STAT4: variants seen among roughly 807,000 people sequenced by gnomAD.
STAT4 encodes signal transducer and activator of transcription 4.
In STAT4, 42 loss-of-function variants were observed where a neutral mutation model predicts 110.5. That is an observed-to-expected ratio of 0.38 (90% confidence interval 0.30 to 0.49). The LOEUF is 0.49. Among genes scored for constraint, STAT4 ranks in the 20% least tolerant of loss-of-function variants. STAT4 has a pLI of 0.95. For missense variants in STAT4, 632 were observed against 887.9 expected, an observed-to-expected ratio of 0.71 and a Z score of 3.66; for synonymous variants, 284 against 302.2, an observed-to-expected ratio of 0.94 and a Z score of 0.63.
At position 191,147,850 on chromosome 2, in the gene STAT4, T is replaced by A. The variant is rs1259458726; in HGVS notation, c.128+226A>T. Among the ~76,000 whole-genome samples, 1 of 152,202 alleles carries A rather than the reference T, an allele frequency of 6.6e-6. No homozygotes were observed. The highest frequency in any genetic ancestry group is 1.9e-4 in the East Asian group (1 of 5,202). ...ATGAAAAATTATTTGGGTTTTTGTT[T>A]ACAGAGAAAAGAAGCACTGGAACCA... On this transcript the variant is annotated intron_variant, in intron 2 of 23. Coordinates refer to ENST00000392320, the MANE Select transcript of STAT4 (RefSeq NM_003151.4). The surrounding 1 kb of genome is among the most constrained non-coding windows in gnomAD (Gnocchi z 4.1).
chr2:191,113,865 T>A lies in STAT4; in HGVS notation c.273+32748A>T, dbSNP rs1698494373. ...ATGTTACAGAAATAGAGAAAGTGATTTATATAAAGAACATGTTTTCATATG... is the reference window on the plus strand; with the variant it reads ...ATGTTACAGAAATAGAGAAAGTGATATATATAAAGAACATGTTTTCATATG... On this transcript the variant is annotated intron_variant, in intron 3 of 23. Coordinates refer to ENST00000392320, the MANE Select transcript of STAT4 (RefSeq NM_003151.4). The surrounding 1 kb of genome is among the most constrained non-coding windows in gnomAD (Gnocchi z 4.8). Among the ~76,000 whole-genome samples, 1 of 152,160 alleles carries A rather than the reference T, an allele frequency of 6.6e-6. No individual in the cohort carries two copies.
At chr2:191,093,720 A>G (rs559937673) in intron 3 of STAT4, among the ~76,000 whole-genome samples, 7 of 152,194 alleles carry the variant, frequency 4.6e-5, no homozygotes, top group Non-Finnish European at 8.8e-5. Flanking sequence ...AACAGAACAA[A>G]GCTGGACGGA....
chr2:191,036,749 A>G (rs866886174), intron 16 of STAT4, among the ~76,000 whole-genome samples: 5 of 152,176 alleles, frequency 3.3e-5, no homozygotes, highest in South Asian at 2.1e-4. Context: ...CTTCTGTCCT[A>G]TACTCCTCAG....
At chr2:191,094,170 A>G (rs759261799) in intron 3 of STAT4, among the ~76,000 whole-genome samples, 1 of 152,254 alleles carries the variant, frequency 6.6e-6, no homozygotes, top group African/African-American at 2.4e-5. Flanking sequence ...ACTCTTCAGG[A>G]TATTATCCGG....
intron 7 of STAT4, among the ~76,000 whole-genome samples, chr2:191,065,224 C>A (rs1036198025): frequency 1.3e-5 from 2 of 152,086 alleles, no homozygotes; most frequent in African/African-American, 4.8e-5. Flanking sequence ...ACTCCTGCGG[C>A]AACAATATTG....
intron 3 of STAT4, among the ~76,000 whole-genome samples, chr2:191,096,671 C>T (rs990441538): frequency 7.9e-5 from 12 of 152,084 alleles, no homozygotes; most frequent in Admixed American, 5.2e-4. Flanking sequence ...TCATACTAAA[C>T]GGGCAAAAAC....
rs1181825013 is a variant in STAT4 at position 191,050,256 on chromosome 2, C to T, written c.1251+4234G>A. On this transcript the variant is annotated intron_variant, in intron 14 of 23. Coordinates refer to ENST00000392320, the MANE Select transcript of STAT4 (RefSeq NM_003151.4). This position sits in a 1 kb window ranked among gnomAD's most constrained non-coding sequence, Gnocchi z 4.3. ...AGCTGGCTCCCTGCTAGATAAGTACCTCCAGGGAAAGGTTGCTTCCTGGGA... is the reference window on the plus strand; with the variant it reads ...AGCTGGCTCCCTGCTAGATAAGTACTTCCAGGGAAAGGTTGCTTCCTGGGA... 1.3e-5 allele frequency among the ~76,000 whole-genome samples: 2 copies of T among 152,194 alleles called. No individual in the cohort carries two copies. Among genetic ancestry groups the T allele is most frequent in the African/African-American group, 4.8e-5 (2 of 41,438 alleles).
chr2:191,095,729 C>T (rs536496368), intron 3 of STAT4, among the ~76,000 whole-genome samples: 2 of 152,230 alleles, frequency 1.3e-5, no homozygotes, highest in East Asian at 3.9e-4. Flanking sequence ...CAAACAAATT[C>T]AAAAGCTAGC....
chr2:191,072,669 T>C (rs1040525739), intron 5 of STAT4, among the ~76,000 whole-genome samples: 7 of 152,136 alleles, frequency 4.6e-5, no homozygotes, highest in Admixed American at 3.3e-4. Flanking sequence ...ATCAATAAAA[T>C]TGATAAATCT....
rs1432982583 is a variant in STAT4, at chr2:191,135,301, G to C, written c.273+11312C>G. The stretch of plus-strand genomic sequence containing the variant: ...CACTAACAAGCTGGAAAACCTAGAA[G>C]AAATGGATAAATTCCTGGACTCATG... On this transcript the variant is annotated intron_variant, in intron 3 of 23. Coordinates refer to ENST00000392320, the MANE Select transcript of STAT4 (RefSeq NM_003151.4). This position sits in a 1 kb window ranked among gnomAD's most constrained non-coding sequence, Gnocchi z 4.8. Among the ~76,000 whole-genome samples, 1 of 152,070 alleles carries C rather than the reference G, an allele frequency of 6.6e-6. No homozygotes were observed. The highest frequency in any genetic ancestry group is 1.5e-5 in the Non-Finnish European group (1 of 68,018).
Position 191,046,452 on chromosome 2 carries a change from T to A in STAT4, c.1252-5304A>T, listed in dbSNP as rs941981130. ...CCTCTAGGTCTCTCCTGTGCCTAGA[T>A]ATGTTTGCACTGAAGGTGTCATCTG... On this transcript the variant is annotated intron_variant, in intron 14 of 23. Transcript: ENST00000392320. The surrounding 1 kb of genome is among the most constrained non-coding windows in gnomAD (Gnocchi z 4.6). 1.3e-5 allele frequency among the ~76,000 whole-genome samples: 2 copies of A among 152,084 alleles called. No homozygotes were observed. Among genetic ancestry groups the A allele is most frequent in the African/African-American group, 4.8e-5 (2 of 41,396 alleles).
chr2:191,031,113 G>A lies in STAT4; in HGVS notation c.2112-33C>T, dbSNP rs1248535831. ...AGATAACAAGGTCAATATGGACAAG[G>A]ATTAAAAAATAATAATAGTTCACGG... On this transcript the variant is annotated intron_variant, in intron 22 of 23. Transcript: ENST00000392320. This position sits in a 1 kb window ranked among gnomAD's most constrained non-coding sequence, Gnocchi z 4.8. The A allele has an allele frequency of 3.8e-6, 6 of 1,599,644 alleles. No homozygotes were observed. In the Admixed American group the frequency reaches 5.0e-5, roughly 13 times the overall value.
rs1014095646 is a variant in STAT4, at chr2:191,053,504, G to A, written c.1251+986C>T. Among the ~76,000 whole-genome samples the A allele has an allele frequency of 6.6e-5, 10 of 152,194 alleles. No individual in the cohort carries two copies. The highest frequency in any genetic ancestry group is 1.2e-4 in the Non-Finnish European group (8 of 68,034). On this transcript the variant is annotated intron_variant, in intron 14 of 23. Coordinates refer to ENST00000392320, the MANE Select transcript of STAT4 (RefSeq NM_003151.4). This position sits in a 1 kb window ranked among gnomAD's most constrained non-coding sequence, Gnocchi z 4.5. ...CTCAATAGATGTTCTCCAAGGTCAT[G>A]TCCAGTTCATGATTTGACTACTCTA...
At chr2:191,121,466 T>G (rs1312220402) in intron 3 of STAT4, among the ~76,000 whole-genome samples, 2 of 152,180 alleles carry the variant, frequency 1.3e-5, no homozygotes, top group Non-Finnish European at 2.9e-5. Context: ...TAAAGACACA[T>G]GCACACGTAT....
rs1383495793 is a variant in STAT4 at position 191,143,672 on chromosome 2, C to A, written c.273+2941G>T. 4.6e-5 allele frequency among the ~76,000 whole-genome samples: 7 copies of A among 152,146 alleles called. No individual in the cohort carries two copies. The highest frequency in any genetic ancestry group is 1.4e-4 in the African/African-American group (6 of 41,432). On this transcript the variant is annotated intron_variant, in intron 3 of 23. Coordinates refer to ENST00000392320, the MANE Select transcript of STAT4 (RefSeq NM_003151.4). This position sits in a 1 kb window ranked among gnomAD's most constrained non-coding sequence, Gnocchi z 5.6. ...CTACCTTATACATCCCTTAGTTCCC[C>A]AGGTATCATATTGTTTACTCCTTTT...
In STAT4 at chr2:191,066,293, G is replaced by A. The variant is rs1192819471; in HGVS notation, c.630+137C>T. 3 of 745,456 alleles carry A rather than the reference G, an allele frequency of 4.0e-6. No homozygotes were observed. Among genetic ancestry groups the A allele is most frequent in the African/African-American group, 3.5e-5 (2 of 57,106 alleles). 46.2% of individuals were successfully genotyped at this position (745,456 alleles called of 1,614,324 possible). On this transcript the variant is annotated intron_variant, in intron 7 of 23. Transcript: ENST00000392320. The surrounding 1 kb of genome is among the most constrained non-coding windows in gnomAD (Gnocchi z 4.3). ...GAAGCATGGCAAACAGCGTGGGACT[G>A]TTCCTAGAAACCTTGCCGTTTCTTC...
At position 191,042,865 on chromosome 2, in the gene STAT4, C is replaced by T. The variant is rs567826801; in HGVS notation, c.1252-1717G>A. Reference sequence around the variant, plus strand: ...CACAATCTCGGCTCACTGCAACCTCCGCCTCCTGGGTCCAAGTGATTCTCC... The same window carrying T: ...CACAATCTCGGCTCACTGCAACCTCTGCCTCCTGGGTCCAAGTGATTCTCC... On this transcript the variant is annotated intron_variant, in intron 14 of 23. Coordinates refer to ENST00000392320, the MANE Select transcript of STAT4 (RefSeq NM_003151.4). The surrounding 1 kb of genome is among the most constrained non-coding windows in gnomAD (Gnocchi z 4.2). Among the ~76,000 whole-genome samples, 20 of 152,090 alleles carry T rather than the reference C, an allele frequency of 1.3e-4. No homozygotes were observed. The highest frequency in any genetic ancestry group is 7.7e-4 in the East Asian group (4 of 5,180).
chr2:191,133,443 G>T (rs899067289), intron 3 of STAT4, among the ~76,000 whole-genome samples: 1 of 149,316 alleles, frequency 6.7e-6, no homozygotes, highest in African/African-American at 2.5e-5. Context: ...AAGAGATATG[G>T]AGTGTTCCTG....
chr2:191,096,583 A>G (rs1697989259), intron 3 of STAT4, among the ~76,000 whole-genome samples: 1 of 152,204 alleles, frequency 6.6e-6, no homozygotes, highest in African/African-American at 2.4e-5. Flanking sequence ...TTCATGTGAA[A>G]AACTCTCAAT....
Sources: gnomAD v4.1 joint callset for allele counts (sites outside exome capture counted in the v4.1 genomes callset) on GRCh38, gnomAD v4.1.1 for gene constraint, Gnocchi (gnomAD v3.1) non-coding constraint, MANE v1.5 for transcripts, NCBI Gene and HGNC (gene_info 2026-07-23, HGNC 2026-07-21) for gene names.